Variants in STK32B observed in about 807,000 individuals in gnomAD.
The protein encoded by STK32B is serine/threonine-protein kinase 32B.
STK32B carries 43 observed loss-of-function variants against 52.6 expected under a neutral mutation model. The observed-to-expected ratio is 0.82, with a 90% CI of 0.64 to 1.05. STK32B has a LOEUF of 1.05. Ranked by LOEUF, STK32B falls within the 50% of genes least tolerant of loss-of-function variation. The pLI is 0.00. For missense variants in STK32B, 621 were observed against 534.6 expected (o/e 1.16, Z -1.59); for synonymous variants, 238 against 204.3 (o/e 1.17, Z -1.41).
At chr4:5,299,473 C>A (rs1577312139) in intron 3 of STK32B, among the ~76,000 whole-genome samples, 1 of 152,156 alleles carries the variant, frequency 6.6e-6, no homozygotes, top group Non-Finnish European at 1.5e-5. Flanking sequence ...AAGTTTTATT[C>A]TTCTGCATAT....
At chr4:5,111,714 A>G (rs968866975) in intron 1 of STK32B, among the ~76,000 whole-genome samples, 1 of 152,088 alleles carries the variant, frequency 6.6e-6, no homozygotes, top group African/African-American at 2.4e-5. Context: ...TGCGTCTGAT[A>G]CCCATGTAAC....
chr4:5,487,128 G>C (rs1560455543), intron 11 of STK32B, among the ~76,000 whole-genome samples: 1 of 152,310 alleles, frequency 6.6e-6, no homozygotes, highest in East Asian at 1.9e-4. Context: ...TTATCCCTCA[G>C]CACCAGAATG....
intron 2 of STK32B, among the ~76,000 whole-genome samples, chr4:5,147,352 T>G (rs1033011132): frequency 6.6e-6 from 1 of 152,120 alleles, no homozygotes; most frequent in African/African-American, 2.4e-5. Context: ...TTCTGGAGAT[T>G]TTCTGTCAAC....
At chr4:5,240,511 G>C (rs985374888) in intron 3 of STK32B, among the ~76,000 whole-genome samples, 2 of 152,132 alleles carry the variant, frequency 1.3e-5, no homozygotes, top group Non-Finnish European at 2.9e-5. Context: ...CCAGGATGGA[G>C]TGCAGTGGCA....
intron 3 of STK32B, among the ~76,000 whole-genome samples, chr4:5,182,835 A>AG (rs1180715282): frequency 2.0e-5 from 2 of 101,844 alleles, no homozygotes; most frequent in Admixed American, 9.1e-5. Flanking sequence ...GATAGATGTT[A>AG]TGTTAGCAGG....
chr4:5,444,336 A>G (rs531479861), intron 6 of STK32B, among the ~76,000 whole-genome samples: 82 of 152,336 alleles, frequency 5.4e-4, no homozygotes, highest in South Asian at 3.9e-3. Context: ...GGAAAAGCGC[A>G]GTATTTGGGT....
chr4:5,033,822 A>C, the STK32B span, among the ~76,000 whole-genome samples: 2 of 152,190 alleles, frequency 1.3e-5, no homozygotes, highest in South Asian at 4.1e-4. Context: ...CTGCCAACTG[A>C]TGGGCTGGCC....
intron 3 of STK32B, among the ~76,000 whole-genome samples, chr4:5,201,689 T>C (rs1053146893): frequency 1.3e-5 from 2 of 152,150 alleles, no homozygotes; most frequent in Non-Finnish European, 2.9e-5. Context: ...CTTACAATCG[T>C]GGCAGAAGGT....
At chr4:5,249,229 T>C (rs936923031) in intron 3 of STK32B, among the ~76,000 whole-genome samples, 2 of 152,192 alleles carry the variant, frequency 1.3e-5, no homozygotes, top group African/African-American at 4.8e-5. Context: ...ATTAACTCAG[T>C]TCTCAAAAGA....
Position 5,415,434 on chromosome 4 carries a change from A to G in STK32B, c.473-1411A>G, listed in dbSNP as rs117848319. On this transcript the variant is annotated intron_variant, in intron 5 of 11. Transcript: ENST00000282908. ...TGGCTCAGAGTGTGTGCACCCAACT[A>G]CTACTACACACTGCCACTTTTCAGA... Among the ~76,000 whole-genome samples, 774 of 152,236 alleles carry G rather than the reference A, an allele frequency of 5.1e-3. 23 individuals are homozygous for G. In the East Asian group the frequency reaches 0.073, roughly 14 times the overall value.
intron 3 of STK32B, among the ~76,000 whole-genome samples, chr4:5,301,773 T>G (rs1458028870): frequency 6.6e-6 from 1 of 150,632 alleles, no homozygotes; most frequent in Non-Finnish European, 1.5e-5. Flanking sequence ...ACTGTTAGTT[T>G]ATCTTTTATT....
Position 5,404,488 on chromosome 4 carries a change from T to C in STK32B, c.472+6244T>C, listed in dbSNP as rs539517498. Among the ~76,000 whole-genome samples, 41 of 152,306 alleles carry C rather than the reference T, an allele frequency of 2.7e-4. No homozygotes were observed. The South Asian group carries it at 5.6e-3, about 21-fold the overall frequency. On this transcript the variant is annotated intron_variant, in intron 5 of 11. Coordinates refer to ENST00000282908, the MANE Select transcript of STK32B (RefSeq NM_018401.3). ...TTAGTTATCCCTCAATCAACTGTTA[T>C]ACATTTGCATACAAATCAGTCCCAC...
intron 3 of STK32B, among the ~76,000 whole-genome samples, chr4:5,183,426 G>C (rs56095652): frequency 0.053 from 7,965 of 150,712 alleles, 394 homozygotes; most frequent in Admixed American, 0.17. Context: ...GCAGTGAGCT[G>C]AGATTGCACC....
intron 1 of STK32B, among the ~76,000 whole-genome samples, chr4:5,107,119 A>T (rs1350285540): frequency 1.3e-5 from 2 of 152,118 alleles, no homozygotes; most frequent in Admixed American, 1.3e-4. Context: ...CTCCTGTCAC[A>T]TTAGCTCCGG....
intron 1 of STK32B, among the ~76,000 whole-genome samples, chr4:5,119,202 T>C (rs921516951): frequency 2.0e-5 from 3 of 152,220 alleles, no homozygotes; most frequent in Non-Finnish European, 4.4e-5. Flanking sequence ...AGGCTGGTGG[T>C]TTGGCATAAT....
intron 3 of STK32B, among the ~76,000 whole-genome samples, chr4:5,314,949 A>G (rs1292988263): frequency 6.6e-6 from 1 of 152,202 alleles, no homozygotes; most frequent in Non-Finnish European, 1.5e-5. Context: ...AAAAGCATGT[A>G]TCATAAAAGT....
At chr4:5,348,105 T>A (rs1281665065) in intron 4 of STK32B, among the ~76,000 whole-genome samples, 1 of 152,048 alleles carries the variant, frequency 6.6e-6, no homozygotes, top group African/African-American at 2.4e-5. Flanking sequence ...GACAACCCAT[T>A]TGGCTGGGAT....
At chr4:5,309,804 T>C (rs1465653111) in intron 3 of STK32B, among the ~76,000 whole-genome samples, 1 of 152,186 alleles carries the variant, frequency 6.6e-6, no homozygotes. Flanking sequence ...GGGAAATGCT[T>C]CAGGACATTG....
intron 3 of STK32B, among the ~76,000 whole-genome samples, chr4:5,184,229 G>C (rs1720567038): frequency 6.6e-6 from 1 of 152,156 alleles, no homozygotes; most frequent in Non-Finnish European, 1.5e-5. Context: ...AGCACTCAGA[G>C]GCCATTGTAG....
Sources: allele counts gnomAD v4.1 joint callset (sites outside exome capture counted in the v4.1 genomes callset), GRCh38; gene constraint gnomAD v4.1.1; transcripts MANE v1.5; gene names NCBI Gene and HGNC (gene_info 2026-07-23, HGNC 2026-07-21).